DNM2: variants seen among roughly 807,000 people sequenced by gnomAD.
The protein encoded by DNM2 is dynamin 2.
In DNM2, 15 loss-of-function variants were observed where a neutral mutation model predicts 99.0. The ratio of observed to expected loss-of-function variants is 0.15; its 90% CI spans 0.10 to 0.23. The LOEUF (loss-of-function observed/expected upper bound fraction) is 0.23. Among genes scored for constraint, DNM2 ranks in the 10% least tolerant of loss-of-function variants. The pLI is 1.00. For synonymous variants in DNM2, 525 were observed against 481.2 expected, an observed-to-expected ratio of 1.09 and a Z score of -1.19; for missense variants, 742 against 1,189.4, an observed-to-expected ratio of 0.62 and a Z score of 5.53.
intron 7 of DNM2, among the ~76,000 whole-genome samples, chr19:10,788,150 T>C (rs966447993): frequency 5.3e-5 from 8 of 151,800 alleles, no homozygotes; most frequent in Non-Finnish European, 1.2e-4. Flanking sequence ...AGAGAATCGC[T>C]TGAAGCCAAG....
chr19:10,733,191 GTTTTTTTTTT>G, intron 1 of DNM2, among the ~76,000 whole-genome samples: 1 of 123,760 alleles, frequency 8.1e-6, no homozygotes, highest in South Asian at 2.7e-4. Flanking sequence ...GGCTGGTGTG[GTTTTTTTTTT>G]TTTTTTTGGA....
At chr19:10,729,090 G>A (rs760503793) in intron 1 of DNM2, among the ~76,000 whole-genome samples, 6 of 124,540 alleles carry the variant, frequency 4.8e-5, no homozygotes, top group Non-Finnish European at 8.8e-5. Flanking sequence ...GCGTGAACCC[G>A]GGAGGCGGAG....
rs1192235109 is a variant in DNM2 at position 10,831,231 on chromosome 19, C to T, written c.*184C>T. ...GTGCCTGGCTGGACACCGCACTGCG[C>T]AAAGGGGCCCTGGAGCTCCAGGCAG... On this transcript the variant is annotated 3_prime_UTR_variant, in exon 21 of 21. Coordinates refer to ENST00000389253, the MANE Select transcript of DNM2 (RefSeq NM_001005361.3). This position sits in a 1 kb window ranked among gnomAD's most constrained non-coding sequence, Gnocchi z 4.3. 3.0e-6 allele frequency: 4 copies of T among 1,350,548 alleles called. No homozygotes were observed. The highest frequency in any genetic ancestry group is 3.8e-6 in the Non-Finnish European group (4 of 1,055,792). 83.7% of individuals were successfully genotyped at this position (1,350,548 alleles called of 1,614,324 possible). A position where few individuals can be genotyped will look rare whatever the true frequency, so the allele number is the denominator to read the frequency against.
chr19:10,791,805 G>A (rs1179841135), intron 7 of DNM2, among the ~76,000 whole-genome samples: 1 of 152,150 alleles, frequency 6.6e-6, no homozygotes, highest in Non-Finnish European at 1.5e-5. Context: ...TCCATTCCAG[G>A]CTGGGTGCAG....
Position 10,797,513 on chromosome 19 carries a change from G to T in DNM2, c.1330G>T (p.Glu444Ter). The T allele has an allele frequency of 1.2e-6, 2 of 1,613,942 alleles. No homozygotes were observed. The highest frequency in any genetic ancestry group is 1.7e-6 in the Non-Finnish European group (2 of 1,179,992). ...ELATVIKKCA[E>*]KLSSYPRLRE... ...GGCCACGGTCATAAAAAAGTGTGCC[G>T]AGAAGGTAACAGGTTTTGTTCTCAT... The change falls in exon 10 of 21, where the codon GAG (glutamate) becomes TAG (stop). Residue 444 changes from glutamate (E) to a stop codon, truncating the protein, a stop_gained. Transcript: ENST00000389253. LOFTEE classifies it high-confidence loss of function.
intron 12 of DNM2, chr19:10,802,626 G>A (rs529438807): frequency 3.9e-6 from 2 of 518,422 alleles, no homozygotes; most frequent in Admixed American, 3.0e-5. Context: ...TGCAGGGAGA[G>A]GGGGAAGCCA....
chr19:10,748,247 G>A (rs2070064782), intron 1 of DNM2, among the ~76,000 whole-genome samples: 1 of 152,206 alleles, frequency 6.6e-6, no homozygotes, highest in South Asian at 2.1e-4. Flanking sequence ...GGGCACGACT[G>A]CACTGGTGTA....
intron 14 of DNM2, chr19:10,809,989 G>A (rs957525574): frequency 6.6e-6 from 1 of 152,350 alleles, no homozygotes; most frequent in Non-Finnish European, 1.5e-5. Context: ...CTTCTCCCTT[G>A]TACCCCAAGA....
chr19:10,720,673 T>G (rs1289562612), intron 1 of DNM2, among the ~76,000 whole-genome samples: 2 of 152,056 alleles, frequency 1.3e-5, no homozygotes, highest in African/African-American at 4.8e-5. Flanking sequence ...CAGACTGCAG[T>G]GAGCCGTGAT....
intron 8 of DNM2, among the ~76,000 whole-genome samples, chr19:10,794,753 A>C (rs1010642694): frequency 3.3e-5 from 5 of 151,802 alleles, no homozygotes; most frequent in Admixed American, 6.6e-5. Context: ...TCAAAAAAAA[A>C]CAAAAAAAAC....
chr19:10,731,368 T>C (rs2069309853), intron 1 of DNM2, among the ~76,000 whole-genome samples: 1 of 151,064 alleles, frequency 6.6e-6, no homozygotes, highest in Non-Finnish European at 1.5e-5. Context: ...TTTTTTTTTT[T>C]TTTGAGGCAG....
chr19:10,784,366 T>C (rs2071482404), intron 6 of DNM2, among the ~76,000 whole-genome samples: 1 of 151,618 alleles, frequency 6.6e-6, no homozygotes, highest in South Asian at 2.1e-4. Flanking sequence ...AAGAGGGAAG[T>C]CAGTGTCTAG....
chr19:10,801,924 A>C (rs555324577), intron 11 of DNM2, among the ~76,000 whole-genome samples: 4 of 150,516 alleles, frequency 2.7e-5, no homozygotes, highest in Admixed American at 6.6e-5. Flanking sequence ...AAAAAAAAAA[A>C]CAAAAAAAAC....
chr19:10,738,962 A>T (rs2069635964), intron 1 of DNM2, among the ~76,000 whole-genome samples: 1 of 151,448 alleles, frequency 6.6e-6, no homozygotes, highest in African/African-American at 2.4e-5. Context: ...AGGTCAGGAG[A>T]TTGAGACCAT....
intron 10 of DNM2, 126 bp from the exon 11 acceptor site, chr19:10,798,360 G>C: frequency 1.4e-6 from 1 of 715,180 alleles, no homozygotes; most frequent in Non-Finnish European, 2.5e-6. Flanking sequence ...GGAGCAAGGT[G>C]TGGGCTCGGT....
At chr19:10,805,783 C>A in intron 12 of DNM2, 133 bp from the exon 13 acceptor site, 3 of 1,056,014 alleles carry the variant, frequency 2.8e-6, no homozygotes, top group Non-Finnish European at 2.9e-6. Flanking sequence ...TCTGTGTGTG[C>A]AGGGGGCTTC....
intron 1 of DNM2, among the ~76,000 whole-genome samples, chr19:10,741,079 G>A (rs541701745): frequency 6.6e-6 from 1 of 152,094 alleles, no homozygotes; most frequent in Non-Finnish European, 1.5e-5. Flanking sequence ...GTACACATCT[G>A]TCAGGTCTTA....
chr19:10,750,400 G>A (rs1219864245), intron 1 of DNM2, among the ~76,000 whole-genome samples: 1 of 151,876 alleles, frequency 6.6e-6, no homozygotes, highest in Non-Finnish European at 1.5e-5. Context: ...GTTCACTAGG[G>A]TCCGGGAGTT....
At chr19:10,784,537 C>T (rs917638633) in intron 6 of DNM2, among the ~76,000 whole-genome samples, 3 of 152,178 alleles carry the variant, frequency 2.0e-5, no homozygotes, top group African/African-American at 7.2e-5. Context: ...CCTCCTTCCA[C>T]GTGGGGTGCT....
Sources: allele counts gnomAD v4.1 joint callset (sites outside exome capture counted in the v4.1 genomes callset), GRCh38; gene constraint gnomAD v4.1.1; non-coding constraint Gnocchi (gnomAD v3.1); transcripts MANE v1.5; gene names NCBI Gene and HGNC (gene_info 2026-07-23, HGNC 2026-07-21).